Variants in PCDHA3 observed in about 807,000 individuals in gnomAD.
PCDHA3 encodes protocadherin alpha-3.
In PCDHA3, 41 loss-of-function variants were observed where a neutral mutation model predicts 62.2. The observed-to-expected ratio is 0.66, with a 90% confidence interval of 0.51 to 0.86. The LOEUF is 0.86. Ranked by LOEUF, PCDHA3 falls within the 40% of genes least tolerant of loss-of-function variation. The pLI is 0.00. For synonymous variants in PCDHA3, 640 were observed against 555.4 expected (o/e 1.15, Z -2.14); for missense variants, 1,304 against 1,241.2 (o/e 1.05, Z -0.76).
In PCDHA3 at chr5:140,810,968, A is replaced by G. The variant is rs537328519; in HGVS notation, c.2394+7377A>G. ...CATTTGGAATATACATATTTTTATC[A>G]TTGTTGTGAGGTAGGGGTCAAGATT... On this transcript the variant is annotated intron_variant, in intron 1 of 3. Coordinates refer to ENST00000522353, the MANE Select transcript of PCDHA3 (RefSeq NM_018906.3). 3.9e-5 allele frequency: 6 copies of G among 152,058 alleles called. No individual in the cohort carries two copies. The South Asian group carries it at 1.3e-3, about 32-fold the overall frequency. The allele number at this position is 152,058 out of a possible 1,614,324, so 9.4% of individuals were successfully genotyped here.
intron 1 of PCDHA3, chr5:140,842,198 T>A: frequency 6.2e-7 from 1 of 1,613,764 alleles, no homozygotes. Flanking sequence ...TATTGACCAC[T>A]TTAGCATAGA....
intron 1 of PCDHA3, chr5:140,867,201 T>C (rs1554161078): frequency 6.6e-6 from 1 of 152,156 alleles, no homozygotes; most frequent in African/African-American, 2.4e-5. Context: ...CCACATTCCA[T>C]GTAACATCTT....
At chr5:140,860,434 C>A (rs1562553401) in intron 1 of PCDHA3, 1 of 152,038 alleles carries the variant, frequency 6.6e-6, no homozygotes, top group Non-Finnish European at 1.5e-5. Context: ...CAAATATGAT[C>A]TTTTTCATAT....
At chr5:140,841,190 T>C (rs1442612057) in intron 1 of PCDHA3, 14 of 1,237,774 alleles carry the variant, frequency 1.1e-5, no homozygotes, top group Non-Finnish European at 1.6e-5. Context: ...TCAAAGTCTT[T>C]TCTCTGACAG....
At chr5:140,964,183 C>A (rs1422782402) in intron 1 of PCDHA3, among the ~76,000 whole-genome samples, 2 of 152,164 alleles carry the variant, frequency 1.3e-5, no homozygotes, top group Non-Finnish European at 2.9e-5. Context: ...CATTATAGTG[C>A]CAAATAGAGT....
intron 1 of PCDHA3, chr5:140,871,257 G>A (rs374337862): frequency 1.2e-6 from 2 of 1,613,940 alleles, no homozygotes; most frequent in Admixed American, 1.7e-5. Context: ...TGCTGTATAC[G>A]GCGCTGTGGT....
At chr5:140,994,939 C>T (rs1210134523) in intron 3 of PCDHA3, among the ~76,000 whole-genome samples, 5 of 152,160 alleles carry the variant, frequency 3.3e-5, no homozygotes, top group Non-Finnish European at 7.3e-5. Context: ...CTTAAACATC[C>T]TGCTAAATAA....
intron 3 of PCDHA3, among the ~76,000 whole-genome samples, chr5:140,985,246 T>C (rs2097143888): frequency 6.6e-6 from 1 of 152,110 alleles, no homozygotes; most frequent in African/African-American, 2.4e-5. Flanking sequence ...CTAATCTTCT[T>C]ACTCTTTTTT....
intron 1 of PCDHA3, among the ~76,000 whole-genome samples, chr5:140,959,768 A>G (rs1554224322): frequency 6.6e-6 from 1 of 152,240 alleles, no homozygotes; most frequent in African/African-American, 2.4e-5. Flanking sequence ...ATATTCAGTA[A>G]GAACAGTGTA....
rs565441433 is a variant in PCDHA3, at chr5:141,011,340, A to G, written c.*1403A>G. 6.5e-6 allele frequency: 1 copy of G among 153,828 alleles called. No homozygotes were observed. Among genetic ancestry groups the G allele is most frequent in the African/African-American group, 2.4e-5 (1 of 41,570 alleles). 9.5% of individuals were successfully genotyped at this position (153,828 alleles called of 1,614,324 possible). On this transcript the variant is annotated 3_prime_UTR_variant, in exon 4 of 4. Transcript: ENST00000522353. Reference sequence around the variant, plus strand: ...ACTAACACCTATGATGTTACCTGAAATCAATCTCCCATATGTATGCTGTAT... The same window carrying G: ...ACTAACACCTATGATGTTACCTGAAGTCAATCTCCCATATGTATGCTGTAT...
intron 1 of PCDHA3, among the ~76,000 whole-genome samples, chr5:140,890,373 T>A (rs868994302): frequency 2.4e-4 from 37 of 152,196 alleles, no homozygotes; most frequent in African/African-American, 7.5e-4. Context: ...CCTGAACAAG[T>A]ACTCTTTCTT....
At position 140,802,842 on chromosome 5, in the gene PCDHA3, G is replaced by T. The variant is rs782279925; in HGVS notation, c.1645G>T (p.Val549Leu). 2.5e-6 allele frequency: 4 copies of T among 1,613,606 alleles called. No individual in the cohort carries two copies. Among genetic ancestry groups the T allele is most frequent in the Middle Eastern group, 1.6e-4 (1 of 6,064 alleles). ...DAGVPPLGSN[V>L]TLQVFVLDEN... ...GGGCGTGCCGCCTCTGGGCAGCAAC[G>T]TGACGCTGCAGGTGTTCGTGCTGGA... The change falls in exon 1 of 4, where the codon GTG becomes TTG. Residue 549 changes from valine to leucine, a missense_variant. By Grantham distance (32) the Val-to-Leu change is conservative (BLOSUM62 1). Coordinates refer to ENST00000522353, the MANE Select transcript of PCDHA3 (RefSeq NM_018906.3).
intron 1 of PCDHA3, chr5:140,823,299 G>A (rs2150124417): frequency 5.6e-6 from 9 of 1,612,248 alleles, no homozygotes; most frequent in Non-Finnish European, 6.8e-6. Context: ...GTTACGTTTC[G>A]GTGCACGCGG....
At chr5:140,858,839 C>T (rs1306924023) in intron 1 of PCDHA3, 1 of 317,040 alleles carries the variant, frequency 3.2e-6, no homozygotes, top group Non-Finnish European at 5.9e-6. Context: ...CCAAAAAATT[C>T]CACTGATCTA....
Position 140,801,114 on chromosome 5 carries a change from T to C in PCDHA3, c.-84T>C. 6.6e-7 allele frequency: 1 copy of C among 1,513,452 alleles called. No homozygotes were observed. Among genetic ancestry groups the C allele is most frequent in the Non-Finnish European group, 8.8e-7 (1 of 1,136,354 alleles). 93.8% of individuals were successfully genotyped at this position (1,513,452 alleles called of 1,614,324 possible). On this transcript the variant is annotated 5_prime_UTR_variant, in exon 1 of 4. Coordinates refer to ENST00000522353, the MANE Select transcript of PCDHA3 (RefSeq NM_018906.3). The stretch of plus-strand genomic sequence containing the variant: ...TCTCTAAAATTTAACACCGAGGAGT[T>C]TAAGAAATGAAGATAAGGAACTCGA...
chr5:140,843,088 C>G lies in PCDHA3; in HGVS notation c.2394+39497C>G, dbSNP rs1554139726. On this transcript the variant is annotated intron_variant, in intron 1 of 3. Coordinates refer to ENST00000522353, the MANE Select transcript of PCDHA3 (RefSeq NM_018906.3). Reference sequence around the variant, plus strand: ...TGCCGCGGTCTGTGGGCGCGGGCCACGTGGTAGCGAAGGTGCGCGCAGTGG... The same window carrying G: ...TGCCGCGGTCTGTGGGCGCGGGCCAGGTGGTAGCGAAGGTGCGCGCAGTGG... The G allele has an allele frequency of 7.5e-6, 12 of 1,595,530 alleles. 2 individuals carry two copies. Among genetic ancestry groups the G allele is most frequent in the African/African-American group, 6.7e-5 (5 of 74,528 alleles).
intron 1 of PCDHA3, chr5:140,967,929 G>C (rs1554230126): frequency 6.2e-7 from 1 of 1,614,214 alleles, no homozygotes; most frequent in Non-Finnish European, 8.5e-7. Flanking sequence ...GCCGTTCTCA[G>C]TGTCAATGAC....
chr5:141,009,539 C>T, intron 3 of PCDHA3, 88 bp from the exon 4 acceptor site: 1 of 1,522,752 alleles, frequency 6.6e-7, no homozygotes, highest in Non-Finnish European at 8.8e-7. Flanking sequence ...TTCAGCCTGC[C>T]TATGCAGTAC....
chr5:140,829,809 C>T lies in PCDHA3; in HGVS notation c.2394+26218C>T, dbSNP rs139323547. The stretch of plus-strand genomic sequence containing the variant: ...CTGCTGGCGCCTCGGGTGGGTGGTA[C>T]TGGTGGTGCAGTGAGCGAGCTGGTG... On this transcript the variant is annotated intron_variant, in intron 1 of 3. Coordinates refer to ENST00000522353, the MANE Select transcript of PCDHA3 (RefSeq NM_018906.3). The T allele has an allele frequency of 1.0e-3, 1,632 of 1,613,854 alleles. 19 individuals are homozygous for T. The African/African-American group carries it at 0.019, about 19-fold the overall frequency.
Sources: allele counts gnomAD v4.1 joint callset (sites outside exome capture counted in the v4.1 genomes callset), GRCh38; gene constraint gnomAD v4.1.1; transcripts MANE v1.5; gene names NCBI Gene and HGNC (gene_info 2026-07-23, HGNC 2026-07-21).